Variants in FAM76A observed in about 807,000 individuals in gnomAD.
The protein encoded by FAM76A is family with sequence similarity 76 member A.
Under a neutral mutation model 46.2 loss-of-function variants are expected in FAM76A, and 32 were observed. The observed-to-expected ratio is 0.69, with a 90% CI of 0.52 to 0.93. The LOEUF (loss-of-function observed/expected upper bound fraction) is 0.93. Among genes scored for constraint, FAM76A ranks in the 40% least tolerant of loss-of-function variants. The probability of loss-of-function intolerance (pLI) is 0.00; values close to 1 mark genes in which losing one functional copy is unlikely to be tolerated. For synonymous variants in FAM76A, 137 were observed against 127.0 expected, an observed-to-expected ratio of 1.08 and a Z score of -0.53; for missense variants, 274 against 361.5, an observed-to-expected ratio of 0.76 and a Z score of 1.96.
At chr1:27,728,540 T>G (rs1302314342) in intron 2 of FAM76A, among the ~76,000 whole-genome samples, 1 of 151,998 alleles carries the variant, frequency 6.6e-6, no homozygotes, top group African/African-American at 2.4e-5. Context: ...TTTGTAGAGA[T>G]AAGATTTTGC....
chr1:27,739,358 T>G (rs1557778872), intron 4 of FAM76A: 1 of 525,798 alleles, frequency 1.9e-6, no homozygotes, highest in African/African-American at 1.9e-5. Flanking sequence ...CTACACTACT[T>G]AAATATGGAA....
Position 27,734,203 on chromosome 1 carries a change from G to T in FAM76A, c.354+20G>T, listed in dbSNP as rs770967311. On this transcript the variant is annotated intron_variant, in intron 4 of 8. Coordinates refer to ENST00000373954, the MANE Select transcript of FAM76A (RefSeq NM_152660.3). Reference sequence around the variant, plus strand: ...AAGAAGGTAAATCTCTGTTTTTCTTGATTTCTTTTTTTCCTTTCAGAGAAA... The same window carrying T: ...AAGAAGGTAAATCTCTGTTTTTCTTTATTTCTTTTTTTCCTTTCAGAGAAA... The T allele has an allele frequency of 2.6e-6, 4 of 1,563,230 alleles. No homozygotes were observed. Among genetic ancestry groups the T allele is most frequent in the African/African-American group, 1.4e-5 (1 of 71,558 alleles).
chr1:27,732,533 C>A, intron 2 of FAM76A, 70 bp from the exon 3 acceptor site: 1 of 1,414,522 alleles, frequency 7.1e-7, no homozygotes, highest in Non-Finnish European at 9.8e-7. Flanking sequence ...TGAGCAAATT[C>A]CTTGGGCTTA....
chr1:27,755,692 G>A (rs1424530024), intron 7 of FAM76A, among the ~76,000 whole-genome samples: 2 of 152,122 alleles, frequency 1.3e-5, no homozygotes, highest in African/African-American at 4.8e-5. Flanking sequence ...TCCCATCTCA[G>A]CCCACTTAGT....
intron 4 of FAM76A, among the ~76,000 whole-genome samples, chr1:27,737,244 C>T (rs542124631): frequency 2.6e-5 from 4 of 152,248 alleles, no homozygotes; most frequent in African/African-American, 4.8e-5. Flanking sequence ...CCACCGTGCC[C>T]GGCCTGCTCT....
intron 4 of FAM76A, among the ~76,000 whole-genome samples, chr1:27,738,243 G>A (rs369185320): frequency 6.6e-6 from 1 of 152,006 alleles, no homozygotes; most frequent in African/African-American, 2.4e-5. Flanking sequence ...TGTAATCCCA[G>A]CACTTTAGAA....
intron 8 of FAM76A, chr1:27,760,101 G>T: frequency 2.5e-6 from 1 of 402,990 alleles, no homozygotes; most frequent in Non-Finnish European, 4.9e-6. Context: ...TTTCACTCTT[G>T]GATGTGTTCT....
At position 27,744,763 on chromosome 1, in the gene FAM76A, A is replaced by G. The variant is rs1462620486; in HGVS notation, c.464A>G (p.Gln155Arg). 1 of 1,614,216 alleles carries G rather than the reference A, an allele frequency of 6.2e-7. No individual in the cohort carries two copies. The highest frequency in any genetic ancestry group is 1.7e-5 in the Admixed American group (1 of 60,016). Reference sequence around the variant, plus strand: ...AGTAGCTCTTCTCGTGCTGGCCACCAGGAGAAGGAGCAGTATAGTCGCCTG... The same window carrying G: ...AGTAGCTCTTCTCGTGCTGGCCACCGGGAGAAGGAGCAGTATAGTCGCCTG... ...HLSSSSRAGH[Q>R]EKEQYSRLSG... The change falls in exon 5 of 9, where the codon CAG (glutamine) becomes CGG (arginine). Residue 155 changes from glutamine to arginine, a missense_variant. Transcript: ENST00000373954.
intron 3 of FAM76A, among the ~76,000 whole-genome samples, chr1:27,733,059 A>C (rs946584923): frequency 5.3e-5 from 8 of 151,820 alleles, no homozygotes; most frequent in Non-Finnish European, 8.8e-5. Context: ...CAGCCTCCCG[A>C]GTAGCTGGGA....
intron 4 of FAM76A, chr1:27,740,635 C>T: frequency 1.7e-6 from 1 of 603,968 alleles, no homozygotes; most frequent in South Asian, 2.0e-5. Context: ...AGTGAGACCA[C>T]AAGGAGCCCA....
chr1:27,755,178 CT>C lies in FAM76A; in HGVS notation c.600-16del. ...TCCATCCAAGTTAAAATATTTTCCC[CT>C]GATTTTTAAATTTAGCTTCTCCCCA... is the stretch of plus-strand genomic sequence containing the variant. On this transcript the variant is annotated splice_polypyrimidine_tract_variant and intron_variant, in intron 6 of 8. Transcript: ENST00000373954. The C allele has an allele frequency of 2.5e-6, 4 of 1,613,228 alleles. No individual in the cohort carries two copies. The highest frequency in any genetic ancestry group is 3.4e-6 in the Non-Finnish European group (4 of 1,179,656).
At position 27,734,156 on chromosome 1, in the gene FAM76A, A is replaced by G. The variant is rs781465810; in HGVS notation, c.327A>G (p.Ala109=). ...GTGAACAGTGCAAGCAGCAGTGTGC[A>G]TTTGACAGGAAAGATGATAGAAAGA... is the stretch of plus-strand genomic sequence containing the variant. ...YSCEQCKQQC[A]FDRKDDRKKV... Residue 109 remains alanine (A), a synonymous_variant, in exon 4 of 9, where the codon GCA becomes GCG. Coordinates refer to ENST00000373954, the MANE Select transcript of FAM76A (RefSeq NM_152660.3). The G allele has an allele frequency of 6.3e-7, 1 of 1,582,852 alleles. No individual in the cohort carries two copies. Among genetic ancestry groups the G allele is most frequent in the East Asian group, 2.3e-5 (1 of 43,820 alleles).
At chr1:27,746,893 A>G (rs2088250427) in intron 5 of FAM76A, among the ~76,000 whole-genome samples, 3 of 152,164 alleles carry the variant, frequency 2.0e-5, no homozygotes, top group Non-Finnish European at 4.4e-5. Flanking sequence ...CAGGAACAAC[A>G]TAATGAGACC....
In FAM76A at chr1:27,748,130, T is replaced by TG. The variant is rs1385685241; in HGVS notation, c.513-938_513-937insG. On this transcript the variant is annotated intron_variant, in intron 5 of 8. Coordinates refer to ENST00000373954, the MANE Select transcript of FAM76A (RefSeq NM_152660.3). The stretch of plus-strand genomic sequence containing the variant: ...GTAAATGTAAAAGAAGTTTTTTTTT[T>TG]TTTTTTTTTTTTTGAGACGGAGTCT... Among the ~76,000 whole-genome samples the TG allele has an allele frequency of 8.9e-3, 1,275 of 142,472 alleles. 30 individuals are homozygous for TG. Among genetic ancestry groups the TG allele is most frequent in the African/African-American group, 0.032 (1,215 of 37,592 alleles). The allele number at this position is 142,472 out of a possible 152,430, so 93.5% of individuals were successfully genotyped here.
intron 2 of FAM76A, among the ~76,000 whole-genome samples, chr1:27,732,250 C>T (rs919356024): frequency 5.3e-5 from 8 of 152,138 alleles, no homozygotes; most frequent in African/African-American, 9.7e-5. Flanking sequence ...GCCAACATGG[C>T]GAAACCTTGT....
intron 7 of FAM76A, among the ~76,000 whole-genome samples, chr1:27,758,592 C>G (rs1477069584): frequency 6.6e-6 from 1 of 152,042 alleles, no homozygotes; most frequent in Non-Finnish European, 1.5e-5. Context: ...AACTCAACCT[C>G]CCTGGCTCAA....
intron 4 of FAM76A, among the ~76,000 whole-genome samples, chr1:27,743,962 G>A (rs2148577365): frequency 6.6e-6 from 1 of 151,672 alleles, no homozygotes; most frequent in East Asian, 1.9e-4. Flanking sequence ...CCAAAAAACT[G>A]TAAATGTGAA....
intron 2 of FAM76A, chr1:27,730,181 C>CTTT: frequency 4.0e-5 from 8 of 200,308 alleles, no homozygotes; most frequent in South Asian, 1.2e-4. Context: ...TTTTTCTTTT[C>CTTT]TTTTTTTTTT....
intron 5 of FAM76A, among the ~76,000 whole-genome samples, chr1:27,745,407 T>C (rs1041454079): frequency 6.6e-6 from 1 of 152,160 alleles, no homozygotes. Flanking sequence ...ACAGTGATTG[T>C]TTTTATAACT....
Sources: gnomAD v4.1 joint callset for allele counts (sites outside exome capture counted in the v4.1 genomes callset) on GRCh38, gnomAD v4.1.1 for gene constraint, MANE v1.5 for transcripts, NCBI Gene and HGNC (gene_info 2026-07-23, HGNC 2026-07-21) for gene names.